Variants in WDR89 observed in about 807,000 individuals in gnomAD.
WDR89 encodes the protein WD repeat domain 89, also known as WD repeat-containing protein 89.
WDR89 carries 17 observed loss-of-function variants against 29.1 expected under a neutral mutation model. The observed-to-expected ratio is 0.58, with a 90% CI of 0.40 to 0.88. The LOEUF is 0.88. Ranked by LOEUF, WDR89 falls within the 40% of genes least tolerant of loss-of-function variation. The pLI, the probability that WDR89 is intolerant of heterozygous loss-of-function variation, is 0.00. For missense variants in WDR89, 396 were observed against 456.3 expected (o/e 0.87, Z 1.20); for synonymous variants, 138 against 157.8 (o/e 0.87, Z 0.94).
At chr14:63,615,502 T>C (rs1390233604) in intron 2 of WDR89, among the ~76,000 whole-genome samples, 1 of 152,222 alleles carries the variant, frequency 6.6e-6, no homozygotes, top group Non-Finnish European at 1.5e-5. Flanking sequence ...AAGAACCATA[T>C]CCTGTTACAG....
At chr14:63,623,164 C>G (rs1882806163) in intron 2 of WDR89, among the ~76,000 whole-genome samples, 2 of 145,600 alleles carry the variant, frequency 1.4e-5, no homozygotes, top group Non-Finnish European at 3.0e-5. Flanking sequence ...CCCTATTGCA[C>G]TCCAGTCTGG....
At chr14:63,609,906 AGAT>A in intron 2 of WDR89, among the ~76,000 whole-genome samples, 1 of 152,194 alleles carries the variant, frequency 6.6e-6, no homozygotes, top group Non-Finnish European at 1.5e-5. Context: ...AACTCTCCCA[AGAT>A]TCTTATCTTG....
rs192148917 is a variant in WDR89 at position 63,606,371 on chromosome 14, C to T, written c.-31-6398G>A. 2.0e-3 allele frequency among the ~76,000 whole-genome samples: 307 copies of T among 152,198 alleles called. 2 individuals carry two copies. Among genetic ancestry groups the T allele is most frequent in the South Asian group, 0.011 (54 of 4,818 alleles). ...AAGAAAATATTTTTGTACAGCTGTA[C>T]AATGTGTTTGTGTTTTAAGCTAAGT... On this transcript the variant is annotated intron_variant, in intron 2 of 2. Coordinates refer to ENST00000620954, the MANE Select transcript of WDR89 (RefSeq NM_080666.4).
At chr14:63,608,922 G>A (rs1417695825) in intron 2 of WDR89, among the ~76,000 whole-genome samples, 1 of 152,118 alleles carries the variant, frequency 6.6e-6, no homozygotes, top group East Asian at 1.9e-4. Flanking sequence ...CCAACATGGT[G>A]AAACCCCATC....
chr14:63,615,397 T>C (rs375627477), intron 2 of WDR89, among the ~76,000 whole-genome samples: 15 of 152,358 alleles, frequency 9.8e-5, no homozygotes, highest in African/African-American at 3.6e-4. Context: ...TACTACATGT[T>C]TACTATTTCT....
intron 2 of WDR89, among the ~76,000 whole-genome samples, chr14:63,607,401 G>C (rs184314431): frequency 4.7e-4 from 71 of 152,124 alleles, no homozygotes; most frequent in Non-Finnish European, 9.7e-4. Flanking sequence ...CTGACCTCGT[G>C]ATCTGTCCGC....
chr14:63,599,772 T>C lies in WDR89; in HGVS notation c.171A>G (p.Lys57=), dbSNP rs752842695. ...ATTCTCGTAGTACATTTAACCTTTC[T>C]TTATCATATATTCTGATTGATCCAT... ...CSNGSIRIYD[K]ERLNVLREFS... The change falls in exon 3 of 3, where the codon AAA becomes AAG. Residue 57 remains lysine (K), a synonymous_variant. Transcript: ENST00000620954. 6.2e-7 allele frequency: 1 copy of C among 1,614,184 alleles called. No homozygotes were observed. Among genetic ancestry groups the C allele is most frequent in the South Asian group, 1.1e-5 (1 of 91,088 alleles).
intron 1 of WDR89, among the ~76,000 whole-genome samples, chr14:63,635,972 C>T (rs558207941): frequency 1.5e-4 from 23 of 152,198 alleles, no homozygotes; most frequent in African/African-American, 3.4e-4. Flanking sequence ...TTTGGAAGGC[C>T]GGGGCAGGTG....
chr14:63,619,993 A>G (rs1297359516), intron 2 of WDR89, among the ~76,000 whole-genome samples: 7 of 141,118 alleles, frequency 5.0e-5, no homozygotes, highest in African/African-American at 8.1e-5. Flanking sequence ...TGACAGAGCG[A>G]GACTCCATCT....
rs534369492 is a variant in WDR89, at chr14:63,626,424, G to A, written c.-137-1391C>T. ...GGTGCCTAATGCCTGTAATCCCAGC[G>A]CTTTGGGAGGCCAAGGTGGGCAGAA... On this transcript the variant is annotated intron_variant, in intron 1 of 2. Transcript: ENST00000620954. 1.1e-4 allele frequency among the ~76,000 whole-genome samples: 17 copies of A among 151,378 alleles called. No homozygotes were observed. In the East Asian group the frequency reaches 2.4e-3, roughly 21 times the overall value.
intron 1 of WDR89, among the ~76,000 whole-genome samples, chr14:63,626,900 T>C (rs1006979014): frequency 6.6e-6 from 1 of 151,020 alleles, no homozygotes; most frequent in Non-Finnish European, 1.5e-5. Flanking sequence ...GGAGGATCAC[T>C]TTGAGACCAG....
At chr14:63,616,381 G>A (rs1378239263) in intron 2 of WDR89, among the ~76,000 whole-genome samples, 1 of 152,290 alleles carries the variant, frequency 6.6e-6, no homozygotes, top group East Asian at 1.9e-4. Flanking sequence ...TGCAGGACAG[G>A]ATAGAAGGAG....
chr14:63,620,696 C>T (rs1353718392), intron 2 of WDR89, among the ~76,000 whole-genome samples: 1 of 151,612 alleles, frequency 6.6e-6, no homozygotes, highest in Non-Finnish European at 1.5e-5. Flanking sequence ...ACCAACCTGG[C>T]CAATATGGTG....
At chr14:63,625,407 C>A (rs1157357715) in intron 1 of WDR89, among the ~76,000 whole-genome samples, 1 of 152,052 alleles carries the variant, frequency 6.6e-6, no homozygotes, top group African/African-American at 2.4e-5. Flanking sequence ...TACATACTTA[C>A]AATTCATCAA....
At chr14:63,626,978 C>T (rs868431286) in intron 1 of WDR89, among the ~76,000 whole-genome samples, 1 of 151,892 alleles carries the variant, frequency 6.6e-6, no homozygotes, top group Non-Finnish European at 1.5e-5. Flanking sequence ...AAAATTAGCT[C>T]GGTGTAATGG....
At chr14:63,639,820 A>C (rs1016272690) in intron 1 of WDR89, among the ~76,000 whole-genome samples, 16 of 152,164 alleles carry the variant, frequency 1.1e-4, no homozygotes, top group African/African-American at 3.9e-4. Context: ...ACAAAAGTAC[A>C]ACTCAAAAAC....
chr14:63,622,514 G>A (rs888377043), intron 2 of WDR89, among the ~76,000 whole-genome samples: 1 of 152,314 alleles, frequency 6.6e-6, no homozygotes, highest in South Asian at 2.1e-4. Context: ...CCAGGGGGTG[G>A]AGGTTGCAGT....
At chr14:63,600,101 G>C in intron 2 of WDR89, 128 bp from the exon 3 acceptor site, 2 of 481,258 alleles carry the variant, frequency 4.2e-6, no homozygotes, top group Non-Finnish European at 7.0e-6. Flanking sequence ...GGGCTGGCAT[G>C]AATCAATCAA....
At chr14:63,633,341 G>C (rs968810062) in intron 1 of WDR89, among the ~76,000 whole-genome samples, 1 of 151,888 alleles carries the variant, frequency 6.6e-6, no homozygotes, top group Admixed American at 6.6e-5. Context: ...TCATCAAGCA[G>C]AAAGACACTT....
Sources: gnomAD v4.1 joint callset for allele counts (sites outside exome capture counted in the v4.1 genomes callset) on GRCh38, gnomAD v4.1.1 for gene constraint, MANE v1.5 for transcripts, NCBI Gene and HGNC (gene_info 2026-07-23, HGNC 2026-07-21) for gene names.